The following DHRSX variants were observed in gnomAD, a reference collection of about 807,000 sequenced individuals.
DHRSX encodes the protein polyprenol dehydrogenase.
In DHRSX, 31 loss-of-function variants were observed where a neutral mutation model predicts 34.0. The ratio of observed to expected loss-of-function variants is 0.91; its 90% confidence interval spans 0.69 to 1.23. The LOEUF (loss-of-function observed/expected upper bound fraction) is 1.23, where lower values mean the gene tolerates loss of function less well. Ranked by LOEUF, DHRSX falls within the 50% of genes most tolerant of loss-of-function variation. DHRSX has a pLI of 0.00. For missense variants in DHRSX, 414 were observed against 428.1 expected, an observed-to-expected ratio of 0.97 and a Z score of 0.29; for synonymous variants, 201 against 183.8, an observed-to-expected ratio of 1.09 and a Z score of -0.76.
chrX:2,355,286 C>T (rs1189647248), intron 3 of DHRSX, among the ~76,000 whole-genome samples: 2 of 151,946 alleles, frequency 1.3e-5, no homozygotes, highest in Non-Finnish European at 1.5e-5. Flanking sequence ...CCGAGGACGA[C>T]GGATTGCTTG....
chrX:2,362,875 T>C (rs1175073057), intron 3 of DHRSX, among the ~76,000 whole-genome samples: 1 of 121,548 alleles, frequency 8.2e-6, no homozygotes, highest in East Asian at 2.2e-4. Flanking sequence ...ATCACCGTTC[T>C]ATGATATCAT....
chrX:2,383,098 CCAT>C lies in DHRSX; in HGVS notation c.286+25644_286+25646del, dbSNP rs1213230312. 4.6e-5 allele frequency among the ~76,000 whole-genome samples: 7 copies of C among 151,260 alleles called. No individual in the cohort carries two copies. In the Middle Eastern group the frequency reaches 0.01, roughly 220 times the overall value. On this transcript the variant is annotated intron_variant, in intron 3 of 6. Coordinates refer to ENST00000334651, the MANE Select transcript of DHRSX (RefSeq NM_145177.3). ...AGCAGCAGCAGCATCACCACCATCA[CCAT>C]CATCATTATTTCTATCACCACCACC...
In DHRSX at chrX:2,250,583, T is replaced by C. The variant is rs1451470442; in HGVS notation, c.597-7353A>G. Among the ~76,000 whole-genome samples the C allele has an allele frequency of 3.3e-5, 5 of 152,238 alleles. No homozygotes were observed. In the East Asian group the frequency reaches 7.7e-4, roughly 24 times the overall value. Reference sequence around the variant, plus strand: ...CTGTAAACCGTCTCTTATCAGCTAATGCATTAGAATTAGCGTATCATGACC... The same window carrying C: ...CTGTAAACCGTCTCTTATCAGCTAACGCATTAGAATTAGCGTATCATGACC... On this transcript the variant is annotated intron_variant, in intron 5 of 6. Transcript: ENST00000334651.
At chrX:2,226,013 G>C (rs1322772265) in intron 6 of DHRSX, among the ~76,000 whole-genome samples, 2 of 152,022 alleles carry the variant, frequency 1.3e-5, no homozygotes, top group Admixed American at 1.3e-4. Context: ...CAAGGAGAGA[G>C]GCCTCGGGAG....
In DHRSX at chrX:2,328,090, AGAG is replaced by A. The variant is rs892710997; in HGVS notation, c.287-36490_287-36488del. 2.1e-4 allele frequency among the ~76,000 whole-genome samples: 32 copies of A among 151,166 alleles called. 1 individual carries two copies. The East Asian group carries it at 2.3e-3, about 11-fold the overall frequency. ...GCGAGACTCCGTCTCAAAAAAAAAA[AGAG>A]GAGGAGATGAGGACACAGACACACA... On this transcript the variant is annotated intron_variant, in intron 3 of 6. Transcript: ENST00000334651.
At chrX:2,382,253 G>A (rs1377213910) in intron 3 of DHRSX, among the ~76,000 whole-genome samples, 1 of 152,104 alleles carries the variant, frequency 6.6e-6, no homozygotes, top group Non-Finnish European at 1.5e-5. Context: ...GCTGTTGTTA[G>A]CTATGGAAGG....
At chrX:2,441,820 C>T (rs962381983) in intron 1 of DHRSX, among the ~76,000 whole-genome samples, 3 of 152,178 alleles carry the variant, frequency 2.0e-5, no homozygotes, top group Non-Finnish European at 2.9e-5. Context: ...CGCCTGTAAT[C>T]TCAGCACTTT....
intron 6 of DHRSX, among the ~76,000 whole-genome samples, chrX:2,226,782 G>A (rs111770178): frequency 0.028 from 4,181 of 151,420 alleles, 213 homozygotes; most frequent in African/African-American, 0.096. Context: ...GCGACAGAGC[G>A]AGATGCCATC....
chrX:2,477,307 G>A (rs1410933844), intron 1 of DHRSX, among the ~76,000 whole-genome samples: 11 of 152,174 alleles, frequency 7.2e-5, no homozygotes, highest in Admixed American at 2.6e-4. Flanking sequence ...GTTCACAGCC[G>A]TGATTAAGGT....
At chrX:2,448,513 AAG>A (rs1196883107) in intron 1 of DHRSX, among the ~76,000 whole-genome samples, 88,710 of 144,292 alleles carry the variant, frequency 0.61, 29,178 homozygotes, top group African/African-American at 0.84. Context: ...GGTTAGAGTT[AAG>A]GTTATGTGAA....
At chrX:2,328,996 T>C (rs1368485197) in intron 3 of DHRSX, among the ~76,000 whole-genome samples, 4 of 152,220 alleles carry the variant, frequency 2.6e-5, no homozygotes, top group Admixed American at 2.6e-4. Flanking sequence ...GGATGGTACC[T>C]ACTAAGAGAG....
chrX:2,393,013 A>G lies in DHRSX; in HGVS notation c.286+15732T>C, dbSNP rs983164543. On this transcript the variant is annotated intron_variant, in intron 3 of 6. Coordinates refer to ENST00000334651, the MANE Select transcript of DHRSX (RefSeq NM_145177.3). ...ATATATACATTACAAAATGTAACATACATATGAATGTGAATTCATATGTAT... is the reference window on the plus strand; with the variant it reads ...ATATATACATTACAAAATGTAACATGCATATGAATGTGAATTCATATGTAT... 7.6e-5 allele frequency among the ~76,000 whole-genome samples: 11 copies of G among 145,694 alleles called. No homozygotes were observed. In the Admixed American group the frequency reaches 7.7e-4, roughly 10 times the overall value.
At chrX:2,489,146 T>C in intron 1 of DHRSX, 1 of 1,613,608 alleles carries the variant, frequency 6.2e-7, no homozygotes, top group South Asian at 1.1e-5. Context: ...GGGAGGCTCC[T>C]CGGGCACCGG....
chrX:2,246,706 G>GAGAAAGAAAGAAAGAAAAGAAAGAAAGAA (rs2016296578), intron 5 of DHRSX, among the ~76,000 whole-genome samples: 1 of 107,406 alleles, frequency 9.3e-6, no homozygotes, highest in African/African-American at 3.4e-5. Context: ...AAGAAAGAAA[G>GAGAAAGAAAGAAAGAAAAGAAAGAAAGAA]AGAAAGAAAG....
chrX:2,472,293 T>C (rs943207575), intron 1 of DHRSX, among the ~76,000 whole-genome samples: 1 of 151,920 alleles, frequency 6.6e-6, no homozygotes, highest in African/African-American at 2.4e-5. Flanking sequence ...CACTGGTGGA[T>C]ATAAAGAAGG....
intron 6 of DHRSX, among the ~76,000 whole-genome samples, chrX:2,226,673 C>T (rs1223472358): frequency 2.5e-5 from 3 of 118,726 alleles, no homozygotes; most frequent in African/African-American, 6.4e-5. Context: ...TGGTGGCGAG[C>T]GCCTGTAGTC....
chrX:2,314,506 AG>A (rs980708134), intron 3 of DHRSX, among the ~76,000 whole-genome samples: 2 of 65,318 alleles, frequency 3.1e-5, no homozygotes, highest in Non-Finnish European at 8.8e-5. Flanking sequence ...AAAGGAGGTA[AG>A]GGAGGGAGGG....
At chrX:2,369,890 G>T (rs1357272555) in intron 3 of DHRSX, among the ~76,000 whole-genome samples, 2 of 151,988 alleles carry the variant, frequency 1.3e-5, no homozygotes, top group African/African-American at 2.4e-5. Context: ...TGATCTGCCC[G>T]CCTTAGCCTT....
intron 3 of DHRSX, among the ~76,000 whole-genome samples, chrX:2,392,893 CATATT>C (rs1023390569): frequency 4.7e-5 from 6 of 127,666 alleles, no homozygotes; most frequent in Non-Finnish European, 6.7e-5. Flanking sequence ...ATGTATTGTG[CATATT>C]ATATTATGTT....
Sources: gnomAD v4.1 joint callset for allele counts (sites outside exome capture counted in the v4.1 genomes callset) on GRCh38, gnomAD v4.1.1 for gene constraint, MANE v1.5 for transcripts, NCBI Gene and HGNC (gene_info 2026-07-23, HGNC 2026-07-21) for gene names.